The following BTNL8 variants were observed in gnomAD, a reference collection of about 807,000 sequenced individuals.
BTNL8 encodes butyrophilin-like protein 8.
BTNL8 carries 22 observed loss-of-function variants against 36.1 expected under a neutral mutation model. The observed-to-expected ratio is 0.61, with a 90% CI of 0.44 to 0.87. BTNL8 has a LOEUF of 0.87. Among genes scored for constraint, BTNL8 ranks in the 40% least tolerant of loss-of-function variants. The probability of loss-of-function intolerance (pLI) is 0.00; values close to 1 mark genes in which losing one functional copy is unlikely to be tolerated. For missense variants in BTNL8, 526 were observed against 616.9 expected, an observed-to-expected ratio of 0.85 and a Z score of 1.56; for synonymous variants, 203 against 235.6, an observed-to-expected ratio of 0.86 and a Z score of 1.27.
rs1757386863 is a variant in BTNL8 at position 180,911,390 on chromosome 5, T to A, written c.449T>A (p.Ile150Asn). The A allele has an allele frequency of 6.2e-7, 1 of 1,614,034 alleles. No homozygotes were observed. Among genetic ancestry groups the A allele is most frequent in the African/African-American group, 1.3e-5 (1 of 74,918 alleles). The change falls in exon 3 of 8, where the codon ATC becomes AAC. Residue 150 changes from isoleucine to asparagine, a missense_variant. Ile to Asn is a moderately radical substitution (Grantham distance 149, BLOSUM62 -3). Around this residue, in one of 2 missense-constraint regions of BTNL8, gnomAD observed 350 missense variants for 324.6 expected, o/e 1.08. Coordinates refer to ENST00000340184, the MANE Select transcript of BTNL8 (RefSeq NM_001040462.3). The part of the protein sequence containing the change: ...ISITGYVDRD[I>N]QLLCQSSGWF... ...ATCACGGGATATGTTGATAGAGACATCCAGCTACTCTGTCAGTCCTCGGGC... is the reference window on the plus strand; with the variant it reads ...ATCACGGGATATGTTGATAGAGACAACCAGCTACTCTGTCAGTCCTCGGGC...
intron 3 of BTNL8, among the ~76,000 whole-genome samples, chr5:180,926,162 A>T (rs914327908): frequency 4.6e-5 from 7 of 152,312 alleles, no homozygotes; most frequent in South Asian, 2.1e-4. Flanking sequence ...CAGTGGGTGC[A>T]GCCCACGGAA....
At chr5:180,940,247 G>T (rs574439891) in intron 3 of BTNL8, among the ~76,000 whole-genome samples, 1 of 151,858 alleles carries the variant, frequency 6.6e-6, no homozygotes, top group Non-Finnish European at 1.5e-5. Flanking sequence ...GCTGAGGCAG[G>T]AGAATCTCTT....
intron 2 of BTNL8, 76 bp from the exon 3 acceptor site, chr5:180,911,263 G>T: frequency 1.3e-6 from 2 of 1,570,934 alleles, no homozygotes; most frequent in Non-Finnish European, 8.7e-7. Flanking sequence ...GGGGTGGACT[G>T]AATGCACCTG....
intron 3 of BTNL8, 49 bp downstream of exon 3, chr5:180,911,663 A>T: frequency 6.5e-7 from 1 of 1,527,574 alleles, no homozygotes; most frequent in Non-Finnish European, 8.9e-7. Context: ...TGCTTCGGTA[A>T]CTCAGAGGGA....
intron 3 of BTNL8, among the ~76,000 whole-genome samples, chr5:180,926,365 C>T (rs754145448): frequency 2.6e-4 from 39 of 152,180 alleles, no homozygotes; most frequent in Admixed American, 2.2e-3. Context: ...CTACACCACC[C>T]GGGCCCTGGG....
Position 180,910,943 on chromosome 5 carries a change from C to T in BTNL8, c.398-396C>T, listed in dbSNP as rs1757355967. ...GGAGGATGAGACAGGGAGGGGTTGG[C>T]ATCTTCCTTGGTTTAGCTCTTACTT... On this transcript the variant is annotated intron_variant, in intron 2 of 7. Transcript: ENST00000340184. Among the ~76,000 whole-genome samples the T allele has an allele frequency of 2.6e-5, 4 of 152,182 alleles. No homozygotes were observed. The South Asian group carries it at 8.3e-4, about 31-fold the overall frequency.
chr5:180,928,366 G>C (rs1236763080), intron 3 of BTNL8, among the ~76,000 whole-genome samples: 1 of 152,112 alleles, frequency 6.6e-6, no homozygotes, highest in Non-Finnish European at 1.5e-5. Context: ...ACCAGTACCA[G>C]CCATTGCAAA....
chr5:180,907,774 T>C (rs570582917), intron 1 of BTNL8, among the ~76,000 whole-genome samples: 6 of 152,118 alleles, frequency 3.9e-5, no homozygotes, highest in East Asian at 1.9e-4. Context: ...TGGAGTACCC[T>C]GCCGTGTGAG....
At chr5:180,949,565 A>C in intron 7 of BTNL8, 1 of 532,062 alleles carries the variant, frequency 1.9e-6, no homozygotes, top group Non-Finnish European at 3.3e-6. Flanking sequence ...AGGGGAAGGA[A>C]GTAAAGTCAG....
At chr5:180,902,649 A>G (rs1473355721) in intron 1 of BTNL8, among the ~76,000 whole-genome samples, 3 of 149,506 alleles carry the variant, frequency 2.0e-5, no homozygotes, top group Non-Finnish European at 4.4e-5. Context: ...AGCATTAGGT[A>G]TATCTCCCGA....
chr5:180,908,319 C>G (rs899856330), intron 1 of BTNL8, among the ~76,000 whole-genome samples: 2 of 152,200 alleles, frequency 1.3e-5, no homozygotes, highest in African/African-American at 4.8e-5. Flanking sequence ...AAGGGAACTC[C>G]CTGACCCCTT....
intron 1 of BTNL8, among the ~76,000 whole-genome samples, chr5:180,908,070 C>T (rs1366306470): frequency 6.6e-6 from 1 of 152,238 alleles, no homozygotes; most frequent in Non-Finnish European, 1.5e-5. Context: ...CTTTGTTTAC[C>T]TAATCAAGCC....
chr5:180,945,810 T>C (rs1759206888), intron 3 of BTNL8: 1 of 509,914 alleles, frequency 2.0e-6, no homozygotes, highest in East Asian at 5.4e-5. Context: ...TCAGGGTTCT[T>C]GCTCTTGTCG....
In BTNL8 at chr5:180,908,671, G is replaced by A. The variant is rs249355; in HGVS notation, c.135G>A (p.Lys45=). Residue 45 remains lysine (K), a synonymous_variant, in exon 2 of 8, where the codon AAG becomes AAA. Transcript: ENST00000340184. ...DAAFSCFLSP[K]TNAEAMEVRF... is the part of the protein sequence containing the mutation. ...CATTCTCCTGTTTCCTGTCTCCTAAGACCAATGCAGAGGCCATGGAAGTGC... is the reference window on the plus strand; with the variant it reads ...CATTCTCCTGTTTCCTGTCTCCTAAAACCAATGCAGAGGCCATGGAAGTGC... The A allele has an allele frequency of 0.092, 148,605 of 1,614,128 alleles. 7,959 individuals are homozygous for A. The highest frequency in any genetic ancestry group is 0.2 in the South Asian group (18,368 of 91,072).
chr5:180,905,878 G>C (rs1757056106), intron 1 of BTNL8, among the ~76,000 whole-genome samples: 1 of 150,404 alleles, frequency 6.6e-6, no homozygotes, highest in South Asian at 2.1e-4. Flanking sequence ...TTGCACTGTG[G>C]TCTGAGAGAT....
intron 3 of BTNL8, among the ~76,000 whole-genome samples, chr5:180,919,906 T>C (rs1757791459): frequency 6.6e-6 from 1 of 152,092 alleles, no homozygotes. Flanking sequence ...TAAATAGAAA[T>C]GTATCATGTG....
At chr5:180,941,085 GA>G (rs1758913469) in intron 3 of BTNL8, among the ~76,000 whole-genome samples, 1 of 104,058 alleles carries the variant, frequency 9.6e-6, no homozygotes, top group Non-Finnish European at 1.9e-5. Flanking sequence ...GAAAGAGGTG[GA>G]AGGGAGGGAG....
At chr5:180,900,561 T>C (rs1461611160) in intron 1 of BTNL8, among the ~76,000 whole-genome samples, 3 of 152,194 alleles carry the variant, frequency 2.0e-5, no homozygotes, top group Admixed American at 2.0e-4. Context: ...GGAGGTACCC[T>C]GAAAAATGTT....
intron 3 of BTNL8, among the ~76,000 whole-genome samples, chr5:180,928,690 A>T (rs533167383): frequency 6.6e-6 from 1 of 152,332 alleles, no homozygotes; most frequent in South Asian, 2.1e-4. Context: ...CAGACTTTAA[A>T]CAAACAAAGA....
Sources: allele counts gnomAD v4.1 joint callset (sites outside exome capture counted in the v4.1 genomes callset), GRCh38; gene constraint gnomAD v4.1.1; regional missense constraint gnomAD v4.1.1; transcripts MANE v1.5; gene names NCBI Gene and HGNC (gene_info 2026-07-23, HGNC 2026-07-21).